The following ROBO1 variants were observed in gnomAD, a reference collection of about 807,000 sequenced individuals.
ROBO1 encodes the protein roundabout homolog 1.
ROBO1 carries 149 observed loss-of-function variants against 195.9 expected under a neutral mutation model. The observed-to-expected ratio is 0.76, with a 90% CI of 0.67 to 0.87. The LOEUF is 0.87. ROBO1 is among the 40% of genes least tolerant of loss of function. The probability of loss-of-function intolerance (pLI) is 0.00; values close to 1 mark genes in which losing one functional copy is unlikely to be tolerated. For synonymous variants in ROBO1, 816 were observed against 733.2 expected (o/e 1.11, Z -1.82); for missense variants, 1,933 against 2,068.3 (o/e 0.93, Z 1.27).
chr3:79,013,087 C>G (rs1485368956), intron 3 of ROBO1, among the ~76,000 whole-genome samples: 2 of 151,824 alleles, frequency 1.3e-5, no homozygotes, highest in Non-Finnish European at 2.9e-5. Context: ...TATCTGTGAA[C>G]AGCAGTCAAG....
In ROBO1 at chr3:78,938,642, A is replaced by G; in HGVS notation, c.458T>C (p.Leu153Pro). 1.9e-6 allele frequency: 3 copies of G among 1,613,804 alleles called. No individual in the cohort carries two copies. The highest frequency in any genetic ancestry group is 2.5e-6 in the Non-Finnish European group (3 of 1,179,742). The change falls in exon 4 of 31, where the codon CTT (leucine) becomes CCT (proline). Residue 153 changes from leucine (L) to proline (P), a missense_variant. Leu to Pro is a moderately conservative substitution (Grantham distance 98). Coordinates refer to ENST00000464233, the MANE Select transcript of ROBO1 (RefSeq NM_002941.4). ...TGCATTGTGGCTCACAGCCTCTCCAAGGTAATTCCTTGCTACACAGACATA... is the reference window on the plus strand; with the variant it reads ...TGCATTGTGGCTCACAGCCTCTCCAGGGTAATTCCTTGCTACACAGACATA... ...GVYVCVARNY[L>P]GEAVSHNASL...
At chr3:78,643,031 T>C (rs931497193) in intron 21 of ROBO1, among the ~76,000 whole-genome samples, 3 of 152,200 alleles carry the variant, frequency 2.0e-5, no homozygotes, top group African/African-American at 7.2e-5. Flanking sequence ...CATTTATTTA[T>C]GTAATTTATT....
At chr3:79,303,069 T>C (rs762546193) in intron 2 of ROBO1, among the ~76,000 whole-genome samples, 3 of 152,106 alleles carry the variant, frequency 2.0e-5, no homozygotes, top group Non-Finnish European at 4.4e-5. Context: ...TAATTGTATG[T>C]ATTTATAATG....
chr3:78,989,633 A>C (rs1219799067), intron 3 of ROBO1, among the ~76,000 whole-genome samples: 1 of 152,124 alleles, frequency 6.6e-6, no homozygotes, highest in African/African-American at 2.4e-5. Flanking sequence ...ATAATAAATA[A>C]AAGTAAGAAA....
At chr3:78,760,203 C>CTG (rs1229268362) in intron 4 of ROBO1, among the ~76,000 whole-genome samples, 4 of 152,192 alleles carry the variant, frequency 2.6e-5, no homozygotes, top group African/African-American at 9.7e-5. Flanking sequence ...CCATGTGGAA[C>CTG]TGTGAGTCCA....
At chr3:78,880,521 C>T (rs1028124708) in intron 4 of ROBO1, among the ~76,000 whole-genome samples, 2 of 152,052 alleles carry the variant, frequency 1.3e-5, no homozygotes, top group Admixed American at 1.3e-4. Flanking sequence ...CACAGACTCA[C>T]TAATTGAAAG....
At chr3:79,023,893 G>A (rs1316769391) in intron 3 of ROBO1, among the ~76,000 whole-genome samples, 1 of 147,874 alleles carries the variant, frequency 6.8e-6, no homozygotes, top group African/African-American at 2.5e-5. Context: ...TGTATTTTTA[G>A]TAGAGACGGG....
chr3:79,378,154 A>ACTCT (rs3057946), intron 2 of ROBO1, among the ~76,000 whole-genome samples: 2,483 of 146,700 alleles, frequency 0.017, 48 homozygotes, highest in African/African-American at 0.052. Context: ...TCTTATGGTC[A>ACTCT]CTCTCTCTCT....
chr3:79,426,808 G>A (rs997985921), intron 2 of ROBO1, among the ~76,000 whole-genome samples: 1 of 152,046 alleles, frequency 6.6e-6, no homozygotes, highest in Non-Finnish European at 1.5e-5. Flanking sequence ...AAAATTAAGT[G>A]ATTTAGTGTA....
intron 3 of ROBO1, among the ~76,000 whole-genome samples, chr3:79,112,167 C>T (rs2079898618): frequency 1.3e-5 from 2 of 152,084 alleles, no homozygotes; most frequent in African/African-American, 2.4e-5. Context: ...GCATCTGTGG[C>T]ATGGATTATA....
chr3:79,589,834 C>G lies in ROBO1; in HGVS notation c.78G>C (p.Gln26His). ...SLSPNHLFLA[Q>H]LIPDPEDVER... ...ATGCACAGCACTTACCTGGAATAAG[C>G]TGGGCCAGAAACAGGTGATTTGGGG... Residue 26 changes from glutamine to histidine, a missense_variant, in exon 2 of 31, where the codon CAG (glutamine) becomes CAC (histidine). This residue lies in a region of ROBO1 where 185 missense variants were observed against 159.5 expected (regional missense o/e 1.16). Coordinates refer to ENST00000464233, the MANE Select transcript of ROBO1 (RefSeq NM_002941.4). 1 of 1,610,382 alleles carries G rather than the reference C, an allele frequency of 6.2e-7. No individual in the cohort carries two copies. The highest frequency in any genetic ancestry group is 8.5e-7 in the Non-Finnish European group (1 of 1,177,400).
chr3:78,840,839 T>C (rs1192617284), intron 4 of ROBO1, among the ~76,000 whole-genome samples: 1 of 152,010 alleles, frequency 6.6e-6, no homozygotes, highest in Non-Finnish European at 1.5e-5. Context: ...GGCAGGAGGA[T>C]CATGAGGTCA....
intron 5 of ROBO1, among the ~76,000 whole-genome samples, chr3:78,742,497 C>T (rs2108261389): frequency 6.6e-6 from 1 of 152,090 alleles, no homozygotes; most frequent in East Asian, 1.9e-4. Flanking sequence ...AAAACAAAAA[C>T]AATTATGATC....
chr3:79,349,902 A>G (rs764620335), intron 2 of ROBO1, among the ~76,000 whole-genome samples: 13 of 152,180 alleles, frequency 8.5e-5, no homozygotes, highest in Non-Finnish European at 1.8e-4. Flanking sequence ...ATAGATTCCT[A>G]TATATGACAC....
intron 2 of ROBO1, among the ~76,000 whole-genome samples, chr3:79,162,479 T>G (rs2080986659): frequency 6.6e-6 from 1 of 152,136 alleles, no homozygotes; most frequent in South Asian, 2.1e-4. Flanking sequence ...AATAACATCA[T>G]GTGAAATGGA....
In ROBO1 at chr3:79,326,537, A is replaced by T. The variant is rs146380242; in HGVS notation, c.89-200998T>A. Among the ~76,000 whole-genome samples, 431 of 152,332 alleles carry T rather than the reference A, an allele frequency of 2.8e-3. 1 individual carries two copies. Among genetic ancestry groups the T allele is most frequent in the African/African-American group, 9.9e-3 (412 of 41,572 alleles). On this transcript the variant is annotated intron_variant, in intron 2 of 30. Coordinates refer to ENST00000464233, the MANE Select transcript of ROBO1 (RefSeq NM_002941.4). The stretch of plus-strand genomic sequence containing the variant: ...ATAGTAATGAAAGGGAATTTGAAGG[A>T]GTTTTAAACGTTTGAAAGGTAAGCA...
chr3:78,668,668 C>A, intron 11 of ROBO1, 103 bp from the exon 12 acceptor site: 1 of 907,902 alleles, frequency 1.1e-6, no homozygotes, highest in Non-Finnish European at 1.7e-6. Flanking sequence ...TGGATAACTG[C>A]ATTAAAATTC....
chr3:79,451,646 G>A (rs942513680), intron 2 of ROBO1, among the ~76,000 whole-genome samples: 24 of 152,054 alleles, frequency 1.6e-4, no homozygotes, highest in African/African-American at 5.1e-4. Flanking sequence ...GGATTGATTG[G>A]ATGATCTATC....
chr3:78,945,820 T>A (rs899484682), intron 3 of ROBO1, among the ~76,000 whole-genome samples: 2 of 152,026 alleles, frequency 1.3e-5, no homozygotes, highest in Non-Finnish European at 2.9e-5. Flanking sequence ...AGAGAAGTCC[T>A]TAAAGGACCT....
Sources: gnomAD v4.1 joint callset for allele counts (sites outside exome capture counted in the v4.1 genomes callset) on GRCh38, gnomAD v4.1.1 for gene constraint, gnomAD v4.1.1 regional missense constraint, MANE v1.5 for transcripts, NCBI Gene and HGNC (gene_info 2026-07-23, HGNC 2026-07-21) for gene names.